Variants in CCSER2 observed in about 807,000 individuals in gnomAD.
CCSER2 encodes serine-rich coiled-coil domain-containing protein 2.
A neutral mutation model predicts 92.3 loss-of-function variants in CCSER2; 46 were observed. The ratio of observed to expected loss-of-function variants is 0.50; its 90% CI spans 0.39 to 0.64. The LOEUF is 0.64. CCSER2 is among the 30% of genes least tolerant of loss of function. The pLI, the probability that CCSER2 is intolerant of heterozygous loss-of-function variation, is 0.00. For synonymous variants in CCSER2, 433 were observed against 431.4 expected, an observed-to-expected ratio of 1.00 and a Z score of -0.04; for missense variants, 1,244 against 1,238.9, an observed-to-expected ratio of 1.00 and a Z score of -0.06.
At position 84,372,141 on chromosome 10, in the gene CCSER2, G is replaced by A. The variant is rs1201191665; in HGVS notation, c.1089G>A (p.Lys363=). 2 of 1,613,396 alleles carry A rather than the reference G, an allele frequency of 1.2e-6. No individual in the cohort carries two copies. Among genetic ancestry groups the A allele is most frequent in the Non-Finnish European group, 1.7e-6 (2 of 1,179,752 alleles). The stretch of plus-strand genomic sequence containing the variant: ...TGGCTAAGGACAGAGCTGCTAATAA[G>A]GACCAAGAACTGATTGAAAATGAAA... The part of the protein sequence containing the change: ...TVLAKDRAAN[K]DQELIENESY... The change falls in exon 2 of 10, where the codon AAG becomes AAA. Residue 363 remains lysine (K), a synonymous_variant. Coordinates refer to ENST00000372088, the MANE Select transcript of CCSER2 (RefSeq NM_001284240.2).
intron 8 of CCSER2, among the ~76,000 whole-genome samples, chr10:84,476,435 C>CTTT (rs35978182): frequency 0.011 from 663 of 58,582 alleles, 79 homozygotes; most frequent in Middle Eastern, 0.029. Flanking sequence ...AATTCTCTCT[C>CTTT]TTTTTTTTTT....
At chr10:84,358,376 A>G (rs1300060572) in intron 1 of CCSER2, among the ~76,000 whole-genome samples, 2 of 152,104 alleles carry the variant, frequency 1.3e-5, no homozygotes, top group Non-Finnish European at 2.9e-5. Context: ...CTGAGAGAGG[A>G]GGAGATTCAT....
intron 9 of CCSER2, among the ~76,000 whole-genome samples, chr10:84,506,212 A>G (rs1185775573): frequency 1.3e-5 from 2 of 152,034 alleles, no homozygotes; most frequent in African/African-American, 2.4e-5. Context: ...TATTTCAGAA[A>G]TTATTTTTAA....
intron 8 of CCSER2, chr10:84,473,229 C>G (rs1317411189): frequency 6.6e-6 from 1 of 152,132 alleles, no homozygotes; most frequent in Non-Finnish European, 1.5e-5. Context: ...ACCTGTTTTT[C>G]TAGGTGGTGT....
chr10:84,508,106 A>T (rs1394949918), intron 9 of CCSER2, among the ~76,000 whole-genome samples: 1 of 152,232 alleles, frequency 6.6e-6, no homozygotes, highest in Non-Finnish European at 1.5e-5. Context: ...TTAAGAAATT[A>T]TCTGATGGTT....
intron 6 of CCSER2, among the ~76,000 whole-genome samples, chr10:84,457,280 T>TATATATA (rs1415390989): frequency 0.32 from 5,827 of 18,132 alleles, 359 homozygotes; most frequent in South Asian, 0.49. Context: ...TATAATATAT[T>TATATATA]ATATATTATA....
chr10:84,334,017 A>C (rs112600833), intron 1 of CCSER2, among the ~76,000 whole-genome samples: 1 of 152,218 alleles, frequency 6.6e-6, no homozygotes, highest in African/African-American at 2.4e-5. Flanking sequence ...GGAAACACCA[A>C]ATTACCAAAA....
At chr10:84,352,693 A>C (rs1353411677) in intron 1 of CCSER2, among the ~76,000 whole-genome samples, 10 of 152,092 alleles carry the variant, frequency 6.6e-5, no homozygotes, top group Admixed American at 5.2e-4. Context: ...GAACTTGGAC[A>C]AATTACTTAA....
At chr10:84,380,521 A>G (rs1589493744) in intron 3 of CCSER2, among the ~76,000 whole-genome samples, 1 of 151,846 alleles carries the variant, frequency 6.6e-6, no homozygotes, top group South Asian at 2.1e-4. Context: ...ATGCTCATAT[A>G]TGGCGTGTGT....
At chr10:84,482,957 G>A (rs1287358962) in intron 9 of CCSER2, among the ~76,000 whole-genome samples, 1 of 152,110 alleles carries the variant, frequency 6.6e-6, no homozygotes, top group Non-Finnish European at 1.5e-5. Flanking sequence ...TAGCAAAGAG[G>A]CAAGAAAAGG....
At chr10:84,474,214 G>A (rs1471717652) in intron 8 of CCSER2, among the ~76,000 whole-genome samples, 1 of 152,148 alleles carries the variant, frequency 6.6e-6, no homozygotes, top group Non-Finnish European at 1.5e-5. Flanking sequence ...AGACACATTA[G>A]ACAGTGGAAC....
intron 6 of CCSER2, among the ~76,000 whole-genome samples, chr10:84,462,938 A>C (rs1404080791): frequency 6.6e-6 from 1 of 152,234 alleles, no homozygotes. Context: ...TTGCTGGTTC[A>C]GTCACTGGGT....
chr10:84,372,098 A>G lies in CCSER2; in HGVS notation c.1046A>G (p.Glu349Gly), dbSNP rs1846093080. Residue 349 changes from glutamate (E) to glycine (G), a missense_variant, in exon 2 of 10, where the codon GAG becomes GGG. Coordinates refer to ENST00000372088, the MANE Select transcript of CCSER2 (RefSeq NM_001284240.2). Reference sequence around the variant, plus strand: ...AATTCACCTGCTGACACATGTGTAGAGGAAGATGCTACAGTTTTGGCTAAG... The same window carrying G: ...AATTCACCTGCTGACACATGTGTAGGGGAAGATGCTACAGTTTTGGCTAAG... Reference protein sequence around the residue: ...NKNSPADTCVEEDATVLAKDR... With the variant: ...NKNSPADTCVGEDATVLAKDR... The G allele has an allele frequency of 6.2e-7, 1 of 1,613,580 alleles. No individual in the cohort carries two copies. Among genetic ancestry groups the G allele is most frequent in the African/African-American group, 1.3e-5 (1 of 74,882 alleles).
At chr10:84,391,172 C>A in intron 3 of CCSER2, 2 of 824,424 alleles carry the variant, frequency 2.4e-6, no homozygotes, top group South Asian at 2.7e-5. Flanking sequence ...TCAGTTGCCA[C>A]AGCACTGCAG....
chr10:84,343,996 A>G (rs775424181), intron 1 of CCSER2, among the ~76,000 whole-genome samples: 48 of 152,326 alleles, frequency 3.2e-4, no homozygotes, highest in African/African-American at 9.9e-4. Context: ...CCTGATATCA[A>G]TGTGTCATGT....
At chr10:84,390,856 C>A in intron 3 of CCSER2, 1 of 589,180 alleles carries the variant, frequency 1.7e-6, no homozygotes, top group Non-Finnish European at 3.2e-6. Context: ...CTTAATCATA[C>A]AGACACAGTA....
chr10:84,413,843 T>G (rs1354458952), intron 3 of CCSER2, among the ~76,000 whole-genome samples: 1 of 152,204 alleles, frequency 6.6e-6, no homozygotes, highest in Non-Finnish European at 1.5e-5. Context: ...TGGCTGCATA[T>G]ATATTTAATA....
chr10:84,336,573 C>A (rs1843849393), intron 1 of CCSER2, among the ~76,000 whole-genome samples: 1 of 152,162 alleles, frequency 6.6e-6, no homozygotes, highest in Non-Finnish European at 1.5e-5. Context: ...ATACAAAGAT[C>A]CTGTGGCTGA....
intron 8 of CCSER2, among the ~76,000 whole-genome samples, chr10:84,476,593 G>A (rs1286015935): frequency 5.9e-5 from 9 of 151,652 alleles, no homozygotes; most frequent in African/African-American, 1.5e-4. Context: ...ACAGGTGCCC[G>A]CCACCACATC....
Sources: allele counts gnomAD v4.1 joint callset (sites outside exome capture counted in the v4.1 genomes callset), GRCh38; gene constraint gnomAD v4.1.1; transcripts MANE v1.5; gene names NCBI Gene and HGNC (gene_info 2026-07-23, HGNC 2026-07-21).